The following ATP8A2 variants were observed in gnomAD, a reference collection of about 807,000 sequenced individuals.
ATP8A2 encodes ATPase phospholipid transporting 8A2, also known as phospholipid-transporting ATPase IB.
Under a neutral mutation model 165.6 loss-of-function variants are expected in ATP8A2, and 100 were observed. That is an observed-to-expected ratio of 0.60 (90% confidence interval 0.51 to 0.71). ATP8A2 has a LOEUF of 0.71. ATP8A2 is among the 30% of genes least tolerant of loss of function. ATP8A2 has a pLI of 0.00. For synonymous variants in ATP8A2, 543 were observed against 548.8 expected (o/e 0.99, Z 0.15); for missense variants, 1,227 against 1,479.5 (o/e 0.83, Z 2.80).
intron 35 of ATP8A2, among the ~76,000 whole-genome samples, chr13:26,004,709 T>C (rs928851671): frequency 6.6e-6 from 1 of 152,052 alleles, no homozygotes; most frequent in African/African-American, 2.4e-5. Flanking sequence ...AGTTTTATCA[T>C]GAAGAGGTGT....
chr13:25,818,109 T>C (rs1458267234), intron 27 of ATP8A2, among the ~76,000 whole-genome samples: 1 of 152,218 alleles, frequency 6.6e-6, no homozygotes, highest in Non-Finnish European at 1.5e-5. Context: ...GTCTCAACCA[T>C]ATTAGCAAAA....
intron 24 of ATP8A2, among the ~76,000 whole-genome samples, chr13:25,671,759 T>C (rs1270874189): frequency 6.6e-6 from 1 of 152,232 alleles, no homozygotes; most frequent in East Asian, 1.9e-4. Flanking sequence ...ATTTTAATTT[T>C]GCCTCGGTCC....
intron 27 of ATP8A2, among the ~76,000 whole-genome samples, chr13:25,808,993 T>C (rs1029970324): frequency 1.3e-5 from 2 of 152,216 alleles, no homozygotes; most frequent in African/African-American, 4.8e-5. Flanking sequence ...GAGGTAGGCA[T>C]GAAGGACACA....
Position 25,953,252 on chromosome 13 carries a change from C to T in ATP8A2, c.3184-8323C>T, listed in dbSNP as rs543690989. 3.2e-4 allele frequency among the ~76,000 whole-genome samples: 49 copies of T among 152,096 alleles called. No homozygotes were observed. The highest frequency in any genetic ancestry group is 1.3e-4 in the Non-Finnish European group (9 of 68,000). ...TGAAGTTGGCACTGGTGTTGCTGGG[C>T]CAACCAGCATCTTGAGGACTCAACT... On this transcript the variant is annotated intron_variant, in intron 33 of 36. Transcript: ENST00000381655. The surrounding 1 kb of genome is among the most constrained non-coding windows in gnomAD (Gnocchi z 6.7).
At chr13:25,569,271 G>A (rs758950205) in intron 16 of ATP8A2, among the ~76,000 whole-genome samples, 3 of 152,102 alleles carry the variant, frequency 2.0e-5, no homozygotes, top group Admixed American at 6.5e-5. Flanking sequence ...TATAATTTAA[G>A]GTGCCTTTTC....
chr13:25,965,087 A>T (rs1955749801), intron 34 of ATP8A2, among the ~76,000 whole-genome samples: 1 of 152,168 alleles, frequency 6.6e-6, no homozygotes, highest in Non-Finnish European at 1.5e-5. Context: ...TGAACCCAGG[A>T]GGCAGAGGTT....
chr13:25,800,301 G>A (rs899281292), intron 27 of ATP8A2, among the ~76,000 whole-genome samples: 1 of 152,232 alleles, frequency 6.6e-6, no homozygotes, highest in African/African-American at 2.4e-5. Context: ...GTGGGAACCA[G>A]TACCAGGAAC....
At chr13:25,739,116 G>T (rs1486800992) in intron 25 of ATP8A2, among the ~76,000 whole-genome samples, 1 of 152,192 alleles carries the variant, frequency 6.6e-6, no homozygotes. Flanking sequence ...TTGAGCAGGG[G>T]AAGAAAATCT....
intron 1 of ATP8A2, among the ~76,000 whole-genome samples, chr13:25,418,022 T>C (rs1311093286): frequency 1.3e-5 from 2 of 152,156 alleles, no homozygotes; most frequent in Non-Finnish European, 2.9e-5. Flanking sequence ...CTTACACTTC[T>C]CATACCCATA....
chr13:25,654,257 G>A (rs1258587278), intron 24 of ATP8A2, among the ~76,000 whole-genome samples: 5 of 152,134 alleles, frequency 3.3e-5, no homozygotes, highest in African/African-American at 7.2e-5. Flanking sequence ...CCAGGCTGGA[G>A]TGCAGTGGCA....
intron 2 of ATP8A2, among the ~76,000 whole-genome samples, chr13:25,521,742 A>G (rs1381719854): frequency 7.0e-6 from 1 of 143,858 alleles, no homozygotes; most frequent in Non-Finnish European, 1.5e-5. Flanking sequence ...ATGGGGTCTC[A>G]CAATGTTGCT....
At chr13:25,801,966 G>T (rs1049269052) in intron 27 of ATP8A2, among the ~76,000 whole-genome samples, 1 of 151,986 alleles carries the variant, frequency 6.6e-6, no homozygotes, top group African/African-American at 2.4e-5. Context: ...TCATTATCAC[G>T]AGAATAACAT....
chr13:25,845,919 T>C (rs1169733720), intron 30 of ATP8A2, among the ~76,000 whole-genome samples: 4 of 152,250 alleles, frequency 2.6e-5, no homozygotes, highest in Non-Finnish European at 4.4e-5. Flanking sequence ...CTCATGCCTG[T>C]AATCCCAGCA....
intron 1 of ATP8A2, among the ~76,000 whole-genome samples, chr13:25,415,182 A>G (rs938325073): frequency 2.0e-5 from 3 of 152,198 alleles, no homozygotes; most frequent in African/African-American, 7.2e-5. Context: ...GCCTATGAAC[A>G]TGGTTGGATG....
intron 23 of ATP8A2, among the ~76,000 whole-genome samples, chr13:25,584,739 G>A (rs1459525853): frequency 6.6e-6 from 1 of 152,120 alleles, no homozygotes; most frequent in African/African-American, 2.4e-5. Flanking sequence ...TGCAAAAAAT[G>A]CTTTCTGAAA....
intron 24 of ATP8A2, 24 bp from the exon 25 acceptor site, chr13:25,699,149 T>C: frequency 6.8e-7 from 1 of 1,477,576 alleles, no homozygotes; most frequent in South Asian, 1.5e-5. Flanking sequence ...AAAAATGTGA[T>C]TTTCCCCTAT....
intron 16 of ATP8A2, chr13:25,567,021 G>A: frequency 3.9e-6 from 1 of 257,732 alleles, no homozygotes; most frequent in Admixed American, 4.8e-5. Flanking sequence ...CTGACATAAA[G>A]GTGGGATGCC....
chr13:25,762,641 G>A (rs890133448), intron 25 of ATP8A2, among the ~76,000 whole-genome samples: 2 of 152,256 alleles, frequency 1.3e-5, no homozygotes, highest in Middle Eastern at 3.4e-3. Flanking sequence ...GATGTAGCTA[G>A]TCTTGGAATC....
chr13:25,802,578 G>C (rs965544810), intron 27 of ATP8A2, among the ~76,000 whole-genome samples: 9 of 152,204 alleles, frequency 5.9e-5, no homozygotes, highest in African/African-American at 2.2e-4. Context: ...CTGTGAGGCA[G>C]TAGGAAATGC....
Sources: gnomAD v4.1 joint callset for allele counts (sites outside exome capture counted in the v4.1 genomes callset) on GRCh38, gnomAD v4.1.1 for gene constraint, Gnocchi (gnomAD v3.1) non-coding constraint, MANE v1.5 for transcripts, NCBI Gene and HGNC (gene_info 2026-07-23, HGNC 2026-07-21) for gene names.